Variants in KCNA5 observed in about 807,000 individuals in gnomAD.
KCNA5 encodes the protein cardiac potassium channel.
A neutral mutation model predicts 26.5 loss-of-function variants in KCNA5; 22 were observed. The observed-to-expected ratio is 0.83, with a 90% CI of 0.59 to 1.18. The LOEUF is 1.18. KCNA5 is among the 50% of genes most tolerant of loss of function. The probability of loss-of-function intolerance (pLI) is 0.00; values close to 1 mark genes in which losing one functional copy is unlikely to be tolerated. For synonymous variants in KCNA5, 465 were observed against 372.8 expected (o/e 1.25, Z -2.85); for missense variants, 916 against 843.2 (o/e 1.09, Z -1.07).
In KCNA5 at chr12:5,044,960, C is replaced by T; in HGVS notation, c.813C>T (p.Thr271=). The change falls in exon 1 of 1, where the codon ACC becomes ACT. Residue 271 remains threonine, a synonymous_variant. Coordinates refer to ENST00000252321, the MANE Select transcript of KCNA5 (RefSeq NM_002234.4). The part of the protein sequence containing the change: ...LISIITFCLE[T]LPEFRDEREL... The stretch of plus-strand genomic sequence containing the variant: ...CCATCATCACCTTCTGCTTGGAGAC[C>T]CTGCCTGAGTTCAGGGATGAACGTG... 6.2e-7 allele frequency: 1 copy of T among 1,613,554 alleles called. No individual in the cohort carries two copies.
chr12:5,044,371 T>A lies in KCNA5; in HGVS notation c.224T>A (p.Val75Glu). 1 of 1,557,374 alleles carries A rather than the reference T, an allele frequency of 6.4e-7. No homozygotes were observed. Among genetic ancestry groups the A allele is most frequent in the Non-Finnish European group, 8.6e-7 (1 of 1,157,084 alleles). ...TTGCCTCCGCTGCCGGACCCGGGAG[T>A]GCGGCCCTTGCCTCCGCTGCCAGAG... ...RPLPPLPDPG[V>E]RPLPPLPEEL... Residue 75 changes from valine (V) to glutamate (E), a missense_variant, in exon 1 of 1, where the codon GTG (valine) becomes GAG (glutamate). By Grantham distance (121) the Val-to-Glu change is moderately radical (BLOSUM62 -2). Coordinates refer to ENST00000252321, the MANE Select transcript of KCNA5 (RefSeq NM_002234.4).
At position 5,046,119 on chromosome 12, in the gene KCNA5, C is replaced by A; in HGVS notation, c.*130C>A. On this transcript the variant is annotated 3_prime_UTR_variant, in exon 1 of 1. Transcript: ENST00000252321. ...TCAGTCTACCCCTCTCCTTTCACTCCTTTCCTCCCTCCCTCGATCCCCCCA... is the reference window on the plus strand; with the variant it reads ...TCAGTCTACCCCTCTCCTTTCACTCATTTCCTCCCTCCCTCGATCCCCCCA... 2 of 1,116,782 alleles carry A rather than the reference C, an allele frequency of 1.8e-6. No homozygotes were observed. The highest frequency in any genetic ancestry group is 2.7e-6 in the Non-Finnish European group (2 of 752,784). The allele number at this position is 1,116,782 out of a possible 1,614,324, so 69.2% of individuals were successfully genotyped here.
At position 5,045,270 on chromosome 12, in the gene KCNA5, G is replaced by T. The variant is rs121908590; in HGVS notation, c.1123G>T (p.Glu375Ter). 6.2e-7 allele frequency: 1 copy of T among 1,614,208 alleles called. No individual in the cohort carries two copies. The highest frequency in any genetic ancestry group is 8.5e-7 in the Non-Finnish European group (1 of 1,180,028). ...IFPYFITLGT[E>*]LAEQQPGGGG... Reference sequence around the variant, plus strand: ...CCCCTACTTCATCACCCTGGGCACCGAACTGGCAGAGCAGCAGCCAGGGGG... The same window carrying T: ...CCCCTACTTCATCACCCTGGGCACCTAACTGGCAGAGCAGCAGCCAGGGGG... Residue 375 changes from glutamate (E) to a stop codon, truncating the protein, a stop_gained, in exon 1 of 1, where the codon GAA (glutamate) becomes TAA (stop). Coordinates refer to ENST00000252321, the MANE Select transcript of KCNA5 (RefSeq NM_002234.4). LOFTEE classifies it high-confidence loss of function. This position sits in a 1 kb window ranked among gnomAD's most constrained non-coding sequence, Gnocchi z 5.6.
Position 5,045,125 on chromosome 12 carries a change from C to A in KCNA5, c.978C>A (p.Ile326=). 1 of 1,614,028 alleles carries A rather than the reference C, an allele frequency of 6.2e-7. No individual in the cohort carries two copies. Among genetic ancestry groups the A allele is most frequent in the Non-Finnish European group, 8.5e-7 (1 of 1,180,008 alleles). ...GGACCCTGGCCGACCCCTTCTTCAT[C>A]GTGGAGACCACGTGCGTCATCTGGT... is the stretch of plus-strand genomic sequence containing the variant. ...LPRTLADPFF[I]VETTCVIWFT... is the part of the protein sequence containing the mutation. Residue 326 remains isoleucine (I), a synonymous_variant, in exon 1 of 1, where the codon ATC becomes ATA. Transcript: ENST00000252321. This position sits in a 1 kb window ranked among gnomAD's most constrained non-coding sequence, Gnocchi z 5.6.
At position 5,045,690 on chromosome 12, in the gene KCNA5, A is replaced by G. The variant is rs1366767842; in HGVS notation, c.1543A>G (p.Ile515Val). The change falls in exon 1 of 1, where the codon ATC becomes GTC. Residue 515 changes from isoleucine (I) to valine (V), a missense_variant. Transcript: ENST00000252321. This position sits in a 1 kb window ranked among gnomAD's most constrained non-coding sequence, Gnocchi z 5.6. Reference protein sequence around the residue: ...VLTIALPVPVIVSNFNYFYHR... With the variant: ...VLTIALPVPVVVSNFNYFYHR... ...CACCATTGCCCTGCCTGTGCCCGTC[A>G]TCGTCTCCAACTTCAACTACTTCTA... is the stretch of plus-strand genomic sequence containing the variant. 4 of 1,614,062 alleles carry G rather than the reference A, an allele frequency of 2.5e-6. No individual in the cohort carries two copies. Among genetic ancestry groups the G allele is most frequent in the Admixed American group, 1.7e-5 (1 of 60,004 alleles).
At position 5,044,768 on chromosome 12, in the gene KCNA5, C is replaced by G. The variant is rs779034667; in HGVS notation, c.621C>G (p.Asp207Glu). The G allele has an allele frequency of 2.5e-6, 4 of 1,614,042 alleles. No homozygotes were observed. Among genetic ancestry groups the G allele is most frequent in the African/African-American group, 1.3e-5 (1 of 74,926 alleles). ...AGATACGCTTCTACCAGCTGGGGGA[C>G]GAGGCCATGGAGCGCTTCCGCGAGG... is the stretch of plus-strand genomic sequence containing the variant. Reference protein sequence around the residue: ...ADEIRFYQLGDEAMERFREDE... With the variant: ...ADEIRFYQLGEEAMERFREDE... Residue 207 changes from aspartate (D) to glutamate (E), a missense_variant, in exon 1 of 1, where the codon GAC becomes GAG. Transcript: ENST00000252321.
chr12:5,045,571 T>G lies in KCNA5; in HGVS notation c.1424T>G (p.Val475Gly). Residue 475 changes from valine to glycine, a missense_variant, in exon 1 of 1, where the codon GTG becomes GGG. Val to Gly is a moderately radical substitution (Grantham distance 109). Transcript: ENST00000252321. This position sits in a 1 kb window ranked among gnomAD's most constrained non-coding sequence, Gnocchi z 5.6. ...SSIPDAFWWAVVTMTTVGYGD... is the reference protein window; with the variant it reads ...SSIPDAFWWAGVTMTTVGYGD... ...ATCCCTGACGCCTTCTGGTGGGCAG[T>G]GGTCACCATGACCACTGTGGGCTAC... is the stretch of plus-strand genomic sequence containing the variant. 6.2e-7 allele frequency: 1 copy of G among 1,614,168 alleles called. No homozygotes were observed. Among genetic ancestry groups the G allele is most frequent in the Non-Finnish European group, 8.5e-7 (1 of 1,180,036 alleles).
rs977096843 is a variant in KCNA5 at position 5,045,158 on chromosome 12, C to A, written c.1011C>A (p.Phe337Leu). Residue 337 changes from phenylalanine to leucine, a missense_variant, in exon 1 of 1, where the codon TTC (phenylalanine) becomes TTA (leucine). Coordinates refer to ENST00000252321, the MANE Select transcript of KCNA5 (RefSeq NM_002234.4). This position sits in a 1 kb window ranked among gnomAD's most constrained non-coding sequence, Gnocchi z 5.6. ...VETTCVIWFT[F>L]ELLVRFFACP... ...CCACGTGCGTCATCTGGTTCACCTT[C>A]GAGCTGCTCGTGCGCTTCTTCGCCT... The A allele has an allele frequency of 6.2e-7, 1 of 1,614,150 alleles. No individual in the cohort carries two copies.
rs1441963188 is a variant in KCNA5 at position 5,044,167 on chromosome 12, C to G, written c.20C>G (p.Pro7Arg). The G allele has an allele frequency of 6.5e-7, 1 of 1,536,304 alleles. No homozygotes were observed. Among genetic ancestry groups the G allele is most frequent in the East Asian group, 2.4e-5 (1 of 40,908 alleles). MEIALV[P>R]LENGGAMTVR... is the part of the protein sequence containing the mutation. The stretch of plus-strand genomic sequence containing the variant: ...CGCGCCATGGAGATCGCCCTGGTGC[C>G]CCTGGAGAACGGCGGTGCCATGACC... The change falls in exon 1 of 1, where the codon CCC (proline) becomes CGC (arginine). Residue 7 changes from proline (P) to arginine (R), a missense_variant. Coordinates refer to ENST00000252321, the MANE Select transcript of KCNA5 (RefSeq NM_002234.4).
chr12:5,044,832 C>T lies in KCNA5; in HGVS notation c.685C>T (p.Arg229Cys), dbSNP rs1555100213. 1 of 1,614,056 alleles carries T rather than the reference C, an allele frequency of 6.2e-7. No individual in the cohort carries two copies. The highest frequency in any genetic ancestry group is 8.5e-7 in the Non-Finnish European group (1 of 1,180,024). ...FIKEEEKPLPRNEFQRQVWLI... is the reference protein window; with the variant it reads ...FIKEEEKPLPCNEFQRQVWLI... ...TAAAGAAGAGGAGAAGCCCCTGCCC[C>T]GCAACGAGTTCCAGCGCCAGGTGTG... is the stretch of plus-strand genomic sequence containing the variant. The change falls in exon 1 of 1, where the codon CGC becomes TGC. Residue 229 changes from arginine (R) to cysteine (C), a missense_variant. Transcript: ENST00000252321.
Position 5,044,829 on chromosome 12 carries a change from C to A in KCNA5, c.682C>A (p.Pro228Thr), listed in dbSNP as rs1056464. The A allele has an allele frequency of 1.2e-6, 2 of 1,614,084 alleles. No homozygotes were observed. The highest frequency in any genetic ancestry group is 1.1e-5 in the South Asian group (1 of 91,082). The change falls in exon 1 of 1, where the codon CCC becomes ACC. Residue 228 changes from proline (P) to threonine (T), a missense_variant. Transcript: ENST00000252321. ...GFIKEEEKPLPRNEFQRQVWL... is the reference protein window; with the variant it reads ...GFIKEEEKPLTRNEFQRQVWL... ...CATTAAAGAAGAGGAGAAGCCCCTG[C>A]CCCGCAACGAGTTCCAGCGCCAGGT...
In KCNA5 at chr12:5,045,871, G is replaced by A. The variant is rs889994404; in HGVS notation, c.1724G>A (p.Ser575Asn). The change falls in exon 1 of 1, where the codon AGT becomes AAT. Residue 575 changes from serine (S) to asparagine (N), a missense_variant. Transcript: ENST00000252321. This position sits in a 1 kb window ranked among gnomAD's most constrained non-coding sequence, Gnocchi z 5.6. ...GGGGGGACCCTGGAGAATGCAGACA[G>A]TGCCCGAAGGGGCAGCTGCCCCCTA... ...KAGGTLENAD[S>N]ARRGSCPLEK... 3.1e-6 allele frequency: 5 copies of A among 1,614,162 alleles called. No individual in the cohort carries two copies. The highest frequency in any genetic ancestry group is 4.2e-6 in the Non-Finnish European group (5 of 1,180,024).
chr12:5,044,264 G>A lies in KCNA5; in HGVS notation c.117G>A (p.Thr39=). ...GGGGAGAGCTCCAGTGTCCCCCGAC[G>A]GCTGGGCTCAGCGATGGGCCCAAGG... ...ATGGELQCPP[T]AGLSDGPKEP... is the part of the protein sequence containing the mutation. The change falls in exon 1 of 1, where the codon ACG becomes ACA. Residue 39 remains threonine (T), a synonymous_variant. Coordinates refer to ENST00000252321, the MANE Select transcript of KCNA5 (RefSeq NM_002234.4). The A allele has an allele frequency of 1.3e-6, 2 of 1,542,546 alleles. No individual in the cohort carries two copies. The highest frequency in any genetic ancestry group is 1.7e-6 in the Non-Finnish European group (2 of 1,149,836).
Position 5,046,177 on chromosome 12 carries a change from C to G in KCNA5, c.*188C>G. 2 of 750,868 alleles carry G rather than the reference C, an allele frequency of 2.7e-6. No homozygotes were observed. Among genetic ancestry groups the G allele is most frequent in the Non-Finnish European group, 4.5e-6 (2 of 439,640 alleles). The allele number at this position is 750,868 out of a possible 1,614,324, so 46.5% of individuals were successfully genotyped here. A position where few individuals can be genotyped will look rare whatever the true frequency, so the allele number is the denominator to read the frequency against. ...TATTCTTTCCATGACACCCAAGGGT[C>G]GCCTATTTTTAAAAAGTACCACATT... On this transcript the variant is annotated 3_prime_UTR_variant, in exon 1 of 1. Coordinates refer to ENST00000252321, the MANE Select transcript of KCNA5 (RefSeq NM_002234.4).
At position 5,046,622 on chromosome 12, in the gene KCNA5, G is replaced by C. The variant is rs757431595; in HGVS notation, c.*633G>C. 5.9e-6 allele frequency: 1 copy of C among 168,798 alleles called. No homozygotes were observed. Among genetic ancestry groups the C allele is most frequent in the African/African-American group, 2.4e-5 (1 of 41,404 alleles). 10.5% of individuals were successfully genotyped at this position (168,798 alleles called of 1,614,324 possible). A position where few individuals can be genotyped will look rare whatever the true frequency, so the allele number is the denominator to read the frequency against. On this transcript the variant is annotated 3_prime_UTR_variant, in exon 1 of 1. Coordinates refer to ENST00000252321, the MANE Select transcript of KCNA5 (RefSeq NM_002234.4). Reference sequence around the variant, plus strand: ...TGTGGTATTGGTGCTTTGTGTCTAGGGCAGAGTATGTTCTTGAAGAAAGGC... The same window carrying C: ...TGTGGTATTGGTGCTTTGTGTCTAGCGCAGAGTATGTTCTTGAAGAAAGGC...
rs1862765898 is a variant in KCNA5 at position 5,045,450 on chromosome 12, G to A, written c.1303G>A (p.Gly435Arg). 2 of 1,614,174 alleles carry A rather than the reference G, an allele frequency of 1.2e-6. No homozygotes were observed. The highest frequency in any genetic ancestry group is 1.7e-6 in the Non-Finnish European group (2 of 1,180,028). ...CTTGCAGGCCTCCATGAGGGAGCTG[G>A]GGCTGCTCATCTTCTTCCTCTTCAT... is the stretch of plus-strand genomic sequence containing the variant. ...KTLQASMREL[G>R]LLIFFLFIGV... Residue 435 changes from glycine (G) to arginine (R), a missense_variant, in exon 1 of 1, where the codon GGG becomes AGG. Coordinates refer to ENST00000252321, the MANE Select transcript of KCNA5 (RefSeq NM_002234.4). The surrounding 1 kb of genome is among the most constrained non-coding windows in gnomAD (Gnocchi z 5.6).
In KCNA5 at chr12:5,043,921, T is replaced by G; in HGVS notation, c.-227T>G. ...GGTTGCATCTGCTGGAAGGAGGCTT[T>G]TCGGCTGCTTGGTAACGGGCTGCCA... On this transcript the variant is annotated 5_prime_UTR_variant, in exon 1 of 1. Coordinates refer to ENST00000252321, the MANE Select transcript of KCNA5 (RefSeq NM_002234.4). 1 of 573,894 alleles carries G rather than the reference T, an allele frequency of 1.7e-6. No homozygotes were observed. The highest frequency in any genetic ancestry group is 3.1e-6 in the Non-Finnish European group (1 of 326,510). 35.6% of individuals were successfully genotyped at this position (573,894 alleles called of 1,614,324 possible).
Position 5,044,545 on chromosome 12 carries a change from C to T in KCNA5, c.398C>T (p.Thr133Met). The T allele has an allele frequency of 6.2e-7, 1 of 1,613,820 alleles. No individual in the cohort carries two copies. Among genetic ancestry groups the T allele is most frequent in the Non-Finnish European group, 8.5e-7 (1 of 1,179,978 alleles). ...AACATCTCCGGGCTGCGCTTTGAGA[C>T]GCAGCTGGGCACCCTGGCGCAGTTC... The part of the protein sequence containing the change: ...HINISGLRFE[T>M]QLGTLAQFPN... Residue 133 changes from threonine to methionine, a missense_variant, in exon 1 of 1, where the codon ACG becomes ATG. Coordinates refer to ENST00000252321, the MANE Select transcript of KCNA5 (RefSeq NM_002234.4).
At position 5,044,304 on chromosome 12, in the gene KCNA5, G is replaced by A. The variant is rs1380425234; in HGVS notation, c.157G>A (p.Gly53Arg). ...TGGGCCCAAGGAGCCGGCGCCAAAG[G>A]GGCGCGGCGCGCAGAGAGACGCGGA... ...SDGPKEPAPK[G>R]RGAQRDADSG... The change falls in exon 1 of 1, where the codon GGG (glycine) becomes AGG (arginine). Residue 53 changes from glycine to arginine, a missense_variant. Coordinates refer to ENST00000252321, the MANE Select transcript of KCNA5 (RefSeq NM_002234.4). 8.4e-6 allele frequency: 13 copies of A among 1,549,132 alleles called. No homozygotes were observed. Among genetic ancestry groups the A allele is most frequent in the Non-Finnish European group, 1.1e-5 (13 of 1,153,620 alleles).
Sources: allele counts gnomAD v4.1 joint callset, GRCh38; gene constraint gnomAD v4.1.1; non-coding constraint Gnocchi (gnomAD v3.1); transcripts MANE v1.5; gene names NCBI Gene and HGNC (gene_info 2026-07-23, HGNC 2026-07-21).